VWA8: variants seen among roughly 807,000 people sequenced by gnomAD.
VWA8 encodes von Willebrand factor A domain containing 8, also known as von Willebrand factor A domain-containing protein 8.
VWA8 carries 221 observed loss-of-function variants against 241.5 expected under a neutral mutation model. That is an observed-to-expected ratio of 0.91 (90% CI 0.82 to 1.02). The LOEUF (loss-of-function observed/expected upper bound fraction) is 1.02. Ranked by LOEUF, VWA8 falls within the 50% of genes least tolerant of loss-of-function variation. The pLI, the probability that VWA8 is intolerant of heterozygous loss-of-function variation, is 0.00. For missense variants in VWA8, 2,322 were observed against 2,328.7 expected, an observed-to-expected ratio of 1.00 and a Z score of 0.06; for synonymous variants, 852 against 827.1, an observed-to-expected ratio of 1.03 and a Z score of -0.52.
chr13:41,690,205 T>C lies in VWA8; in HGVS notation c.3937A>G (p.Lys1313Glu), dbSNP rs2045166431. Reference sequence around the variant, plus strand: ...AACCCTGTGCTGGGCGGCTCCTCTTTCAGCACATACAACTGGCAAACCCCA... The same window carrying C: ...AACCCTGTGCTGGGCGGCTCCTCTTCCAGCACATACAACTGGCAAACCCCA... ...GSGVCQLYVLKEEPPSTGFGV... is the reference protein window; with the variant it reads ...GSGVCQLYVLEEEPPSTGFGV... The change falls in exon 33 of 45, where the codon AAA (lysine) becomes GAA (glutamate). Residue 1313 changes from lysine to glutamate, a missense_variant. Lys to Glu is a moderately conservative substitution (Grantham distance 56). Coordinates refer to ENST00000379310, the MANE Select transcript of VWA8 (RefSeq NM_015058.2). 6.2e-7 allele frequency: 1 copy of C among 1,612,748 alleles called. No individual in the cohort carries two copies. The highest frequency in any genetic ancestry group is 2.2e-5 in the East Asian group (1 of 44,856).
At chr13:41,818,113 C>T (rs1566469335) in intron 15 of VWA8, among the ~76,000 whole-genome samples, 1 of 151,872 alleles carries the variant, frequency 6.6e-6, no homozygotes, top group African/African-American at 2.4e-5. Flanking sequence ...CAGGTGTGCA[C>T]CAATAAGCCC....
At chr13:41,930,600 A>G (rs769014043) in intron 2 of VWA8, among the ~76,000 whole-genome samples, 2 of 152,186 alleles carry the variant, frequency 1.3e-5, no homozygotes, top group Non-Finnish European at 2.9e-5. Context: ...AAAATTCCAC[A>G]CATTTGACTG....
intron 43 of VWA8, among the ~76,000 whole-genome samples, chr13:41,573,486 A>AATATATATATATAT (rs1555303590): frequency 8.7e-4 from 99 of 113,572 alleles, no homozygotes; most frequent in South Asian, 5.9e-3. Flanking sequence ...AAAAAAAAAA[A>AATATATATATATAT]ATATATATAT....
chr13:41,894,526 A>G (rs1875007434), intron 4 of VWA8, among the ~76,000 whole-genome samples: 1 of 152,238 alleles, frequency 6.6e-6, no homozygotes, highest in Non-Finnish European at 1.5e-5. Context: ...ACTACTAACG[A>G]ATGATAGAAA....
At chr13:41,823,180 C>G (rs1016902177) in intron 14 of VWA8, among the ~76,000 whole-genome samples, 1 of 151,954 alleles carries the variant, frequency 6.6e-6, no homozygotes, top group Non-Finnish European at 1.5e-5. Flanking sequence ...TTCTAGGAAG[C>G]TAGGAGATAG....
intron 37 of VWA8, among the ~76,000 whole-genome samples, chr13:41,664,489 GCTA>G (rs2044973694): frequency 6.7e-6 from 1 of 149,998 alleles, no homozygotes; most frequent in African/African-American, 2.4e-5. Flanking sequence ...AAATATAGAT[GCTA>G]CTACCTTCCT....
At chr13:41,634,910 AT>A (rs2044747397) in intron 37 of VWA8, among the ~76,000 whole-genome samples, 1 of 152,082 alleles carries the variant, frequency 6.6e-6, no homozygotes, top group African/African-American at 2.4e-5. Flanking sequence ...AGTTAAGAAA[AT>A]TTTTTTGAAA....
At chr13:41,871,020 T>C (rs1873577349) in intron 9 of VWA8, among the ~76,000 whole-genome samples, 1 of 152,156 alleles carries the variant, frequency 6.6e-6, no homozygotes, top group Non-Finnish European at 1.5e-5. Context: ...AACTCCATCA[T>C]TTAAGTTTCT....
chr13:41,626,728 G>T (rs1405088503), intron 37 of VWA8, among the ~76,000 whole-genome samples: 5 of 152,262 alleles, frequency 3.3e-5, no homozygotes, highest in East Asian at 1.9e-4. Flanking sequence ...GTGGAAGATT[G>T]AAACTGGATC....
rs1382707530 is a variant in VWA8, at chr13:41,929,138, C to T, written c.242-16970G>A. Among the ~76,000 whole-genome samples, 4 of 150,254 alleles carry T rather than the reference C, an allele frequency of 2.7e-5. No individual in the cohort carries two copies. In the East Asian group the frequency reaches 7.8e-4, roughly 29 times the overall value. ...GAAAAACAAACTTGGAAACATCACA[C>T]TTCTTGACTTTAATTTTTTTTTTTT... On this transcript the variant is annotated intron_variant, in intron 2 of 44. Transcript: ENST00000379310.
chr13:41,628,306 T>C (rs1045869961), intron 37 of VWA8, among the ~76,000 whole-genome samples: 11 of 152,138 alleles, frequency 7.2e-5, no homozygotes, highest in Non-Finnish European at 1.5e-4. Context: ...AGTTTGGAGA[T>C]TTCTCAAAGA....
Position 41,816,796 on chromosome 13 carries a change from G to A in VWA8, c.1870-21C>T, listed in dbSNP as rs562099042. 10 of 1,570,022 alleles carry A rather than the reference G, an allele frequency of 6.4e-6. No individual in the cohort carries two copies. In the East Asian group the frequency reaches 2.2e-4, roughly 35 times the overall value. ...GGGACCTATTTTTTGAAAGAGTTGA[G>A]GACAAACAGAAGGAATAAATCGGGA... On this transcript the variant is annotated intron_variant, in intron 15 of 44. Transcript: ENST00000379310.
intron 20 of VWA8, among the ~76,000 whole-genome samples, chr13:41,764,259 CTTTTAG>C (rs1287705528): frequency 6.6e-6 from 1 of 152,076 alleles, no homozygotes; most frequent in African/African-American, 2.4e-5. Flanking sequence ...ACCTGCAAAA[CTTTTAG>C]TTTTATTCTT....
At chr13:41,590,522 G>C in intron 41 of VWA8, 118 bp downstream of exon 41, 1 of 845,364 alleles carries the variant, frequency 1.2e-6, no homozygotes, top group Non-Finnish European at 1.6e-6. Context: ...TTAACATAAT[G>C]CTTTCCTTGG....
At chr13:41,934,209 A>G (rs1163701758) in intron 2 of VWA8, among the ~76,000 whole-genome samples, 4 of 151,858 alleles carry the variant, frequency 2.6e-5, no homozygotes, top group African/African-American at 9.7e-5. Context: ...AAATAAACAC[A>G]GAAATAGATG....
At chr13:41,569,064 G>A (rs774946041) in intron 44 of VWA8, among the ~76,000 whole-genome samples, 3 of 151,016 alleles carry the variant, frequency 2.0e-5, no homozygotes, top group African/African-American at 5.0e-5. Flanking sequence ...TCAAAAGAAC[G>A]CCTCCTTTCA....
intron 17 of VWA8, among the ~76,000 whole-genome samples, chr13:41,794,081 C>T (rs1269070711): frequency 6.6e-6 from 1 of 151,712 alleles, no homozygotes; most frequent in African/African-American, 2.4e-5. Context: ...TGTGTTGTCT[C>T]CAGCTTTTTT....
chr13:41,826,132 TAAGTA>T (rs1299834158), intron 14 of VWA8, among the ~76,000 whole-genome samples: 4 of 152,160 alleles, frequency 2.6e-5, no homozygotes, highest in Non-Finnish European at 4.4e-5. Context: ...AAATTAAGGC[TAAGTA>T]AAGGTAAAAA....
chr13:41,858,217 C>T (rs976308928), intron 12 of VWA8, among the ~76,000 whole-genome samples: 4 of 152,150 alleles, frequency 2.6e-5, no homozygotes, highest in African/African-American at 9.7e-5. Context: ...CTAACTAATA[C>T]AGACACTAAA....
Sources: gnomAD v4.1 joint callset for allele counts (sites outside exome capture counted in the v4.1 genomes callset) on GRCh38, gnomAD v4.1.1 for gene constraint, MANE v1.5 for transcripts, NCBI Gene and HGNC (gene_info 2026-07-23, HGNC 2026-07-21) for gene names.